The following FAM53A variants were observed in gnomAD, a reference collection of about 807,000 sequenced individuals.
FAM53A encodes the protein protein FAM53A.
A neutral mutation model predicts 26.6 loss-of-function variants in FAM53A; 28 were observed. That is an observed-to-expected ratio of 1.05 (90% CI 0.78 to 1.45). The LOEUF (loss-of-function observed/expected upper bound fraction) is 1.45. Among genes scored for constraint, FAM53A ranks in the 40% most tolerant of loss-of-function variants. FAM53A has a pLI of 0.00. For missense variants in FAM53A, 650 were observed against 575.8 expected, an observed-to-expected ratio of 1.13 and a Z score of -1.32; for synonymous variants, 290 against 253.1, an observed-to-expected ratio of 1.15 and a Z score of -1.38.
chr4:1,670,815 G>T (rs1714582986), intron 1 of FAM53A, among the ~76,000 whole-genome samples: 1 of 152,160 alleles, frequency 6.6e-6, no homozygotes, highest in South Asian at 2.1e-4. Flanking sequence ...ACCCCACGCT[G>T]GTCGATGTCA....
chr4:1,619,112 A>G (rs1714919741), intron 1 of FAM53A, among the ~76,000 whole-genome samples: 1 of 152,122 alleles, frequency 6.6e-6, no homozygotes, highest in African/African-American at 2.4e-5. Flanking sequence ...GGGGTCAAAG[A>G]CAGGCAGGCT....
chr4:1,655,244 G>A lies in FAM53A; in HGVS notation c.616C>T (p.Pro206Ser). ...DSSEGSAGSG[P>S]LWCSAESCLP... is the part of the protein sequence containing the mutation. ...CAGGACTCCGCGGAACACCAGAGCG[G>A]GCCTGAGCCCGCACTGCCCTCGCTG... is the stretch of plus-strand genomic sequence containing the variant. Residue 206 changes from proline (P) to serine (S), a missense_variant, in exon 4 of 5, where the codon CCG (proline) becomes TCG (serine). By Grantham distance (74) the Pro-to-Ser change is moderately conservative. Transcript: ENST00000308132. The A allele has an allele frequency of 6.7e-7, 1 of 1,502,146 alleles. No individual in the cohort carries two copies. The highest frequency in any genetic ancestry group is 8.8e-7 in the Non-Finnish European group (1 of 1,136,082). The allele number at this position is 1,502,146 out of a possible 1,614,324, so 93.1% of individuals were successfully genotyped here.
the FAM53A span, among the ~76,000 whole-genome samples, chr4:1,612,499 T>TCA: frequency 6.6e-6 from 1 of 151,370 alleles, no homozygotes; most frequent in Non-Finnish European, 1.5e-5. Context: ...ACACACATGC[T>TCA]CACACACACC....
At chr4:1,658,789 A>AG (rs1006390699) in intron 2 of FAM53A, among the ~76,000 whole-genome samples, 1 of 152,196 alleles carries the variant, frequency 6.6e-6, no homozygotes, top group Non-Finnish European at 1.5e-5. Context: ...GGGGCACAGG[A>AG]GGGGGGTCCT....
At chr4:1,622,368 T>A (rs897606220) in intron 1 of FAM53A, among the ~76,000 whole-genome samples, 2 of 152,096 alleles carry the variant, frequency 1.3e-5, no homozygotes, top group African/African-American at 4.8e-5. Flanking sequence ...TGAAGGTGGA[T>A]CTGGCTGGGG....
At chr4:1,616,555 A>G (rs1005233703), downstream of FAM53A, among the ~76,000 whole-genome samples, 1 of 145,862 alleles carries the variant, frequency 6.9e-6, no homozygotes, top group African/African-American at 2.8e-5. Flanking sequence ...CAAAACTAAA[A>G]CTGTGACTAT....
chr4:1,630,175 C>T lies in FAM53A; in HGVS notation c.432-12064G>A, dbSNP rs1387324750. On this transcript the variant is annotated intron_variant, in intron 1 of 1. Coordinates refer to the FAM53A transcript ENST00000489029. The surrounding 1 kb of genome is among the most constrained non-coding windows in gnomAD (Gnocchi z 4.3). ...CTCACACACAGGGGTAGGTCATCCC[C>T]TTCCAAGCTGTCGGAGCTGCCCACG... Among the ~76,000 whole-genome samples the T allele has an allele frequency of 6.6e-6, 1 of 152,192 alleles. No homozygotes were observed. The highest frequency in any genetic ancestry group is 1.5e-5 in the Non-Finnish European group (1 of 68,032).
downstream of FAM53A, among the ~76,000 whole-genome samples, chr4:1,615,879 C>T (rs909822816): frequency 1.3e-4 from 20 of 152,180 alleles, no homozygotes; most frequent in African/African-American, 4.6e-4. Context: ...GACAGAGCAG[C>T]GACGTTAGGG....
chr4:1,670,515 G>C (rs1235686677), intron 1 of FAM53A, among the ~76,000 whole-genome samples: 2 of 152,216 alleles, frequency 1.3e-5, no homozygotes, highest in African/African-American at 4.8e-5. Context: ...CCACCCATGG[G>C]GCTGTTCCAG....
intron 1 of FAM53A, among the ~76,000 whole-genome samples, chr4:1,680,534 A>G (rs974021770): frequency 6.6e-6 from 1 of 152,176 alleles, no homozygotes; most frequent in Non-Finnish European, 1.5e-5. Context: ...AGATGCCCAT[A>G]GCAGCTGTAT....
intron 1 of FAM53A, among the ~76,000 whole-genome samples, chr4:1,669,489 T>C (rs1314406566): frequency 6.6e-6 from 1 of 152,164 alleles, no homozygotes; most frequent in Non-Finnish European, 1.5e-5. Context: ...CAGATCCGTC[T>C]GTACTGCAGG....
chr4:1,656,875 G>A (rs920830043), intron 3 of FAM53A, among the ~76,000 whole-genome samples: 3 of 152,224 alleles, frequency 2.0e-5, no homozygotes, highest in East Asian at 1.9e-4. Flanking sequence ...TGGGACCTTC[G>A]CTGGGGGAGG....
intron 1 of FAM53A, among the ~76,000 whole-genome samples, chr4:1,681,211 G>A (rs550992149): frequency 1.8e-4 from 27 of 152,094 alleles, no homozygotes; most frequent in Admixed American, 1.4e-3. Flanking sequence ...ATTCTCCCAC[G>A]TCAGCCTCCC....
chr4:1,600,358 C>T, the FAM53A span, among the ~76,000 whole-genome samples: 1 of 152,078 alleles, frequency 6.6e-6, no homozygotes, highest in Non-Finnish European at 1.5e-5. Flanking sequence ...ACGGCAGTTC[C>T]CCAGGCCGAA....
intron 1 of FAM53A, among the ~76,000 whole-genome samples, chr4:1,677,368 G>A (rs530546119): frequency 1.6e-4 from 24 of 152,232 alleles, no homozygotes; most frequent in African/African-American, 4.8e-4. Context: ...TGCTGTTGCC[G>A]CTGTTCTAGG....
downstream of FAM53A, among the ~76,000 whole-genome samples, chr4:1,636,844 A>G (rs926341093): frequency 2.6e-5 from 4 of 152,180 alleles, no homozygotes; most frequent in African/African-American, 9.6e-5. Flanking sequence ...CCCTCCACCC[A>G]AAGGCCAGCC....
At chr4:1,643,376 G>A (rs1052478634) in intron 4 of FAM53A, among the ~76,000 whole-genome samples, 2 of 151,894 alleles carry the variant, frequency 1.3e-5, no homozygotes, top group African/African-American at 2.4e-5. Context: ...TGAGGCAGGA[G>A]AATGGCGTGA....
At chr4:1,656,769 C>T (rs1713416345) in intron 3 of FAM53A, among the ~76,000 whole-genome samples, 1 of 152,178 alleles carries the variant, frequency 6.6e-6, no homozygotes, top group Non-Finnish European at 1.5e-5. Context: ...ATCTGGCGCT[C>T]AGCAAGGTGA....
chr4:1,679,456 C>A (rs969229490), intron 1 of FAM53A, among the ~76,000 whole-genome samples: 1 of 145,218 alleles, frequency 6.9e-6, no homozygotes, highest in Non-Finnish European at 1.5e-5. Context: ...GAGGCCAAGG[C>A]GGGTGGATCA....
Sources: gnomAD v4.1 joint callset for allele counts (sites outside exome capture counted in the v4.1 genomes callset) on GRCh38, gnomAD v4.1.1 for gene constraint, Gnocchi (gnomAD v3.1) non-coding constraint, MANE v1.5 for transcripts, NCBI Gene and HGNC (gene_info 2026-07-23, HGNC 2026-07-21) for gene names.